TLL2: variants seen among roughly 807,000 people sequenced by gnomAD.
TLL2 encodes tolloid like 2.
In TLL2, 106 loss-of-function variants were observed where a neutral mutation model predicts 123.0. The observed-to-expected ratio is 0.86, with a 90% confidence interval of 0.74 to 1.01. The LOEUF is 1.01. Among genes scored for constraint, TLL2 ranks in the 50% least tolerant of loss-of-function variants. TLL2 has a pLI of 0.00. For synonymous variants in TLL2, 494 were observed against 516.8 expected (o/e 0.96, Z 0.60); for missense variants, 1,332 against 1,336.7 (o/e 1.00, Z 0.06).
At chr10:96,479,661 CA>C (rs1023514093) in intron 2 of TLL2, among the ~76,000 whole-genome samples, 2 of 152,226 alleles carry the variant, frequency 1.3e-5, no homozygotes, top group African/African-American at 4.8e-5. Context: ...TCCTGTTCAC[CA>C]GAACCCCTAC....
chr10:96,479,173 C>T (rs566004197), intron 2 of TLL2, among the ~76,000 whole-genome samples: 68 of 152,248 alleles, frequency 4.5e-4, no homozygotes, highest in African/African-American at 1.4e-3. Context: ...AAACCTTATA[C>T]GAGACCTCAA....
chr10:96,437,545 C>T (rs906008754), intron 3 of TLL2, among the ~76,000 whole-genome samples: 2 of 152,166 alleles, frequency 1.3e-5, no homozygotes, highest in Non-Finnish European at 2.9e-5. Flanking sequence ...AATATCTACC[C>T]CTCTTTCCCC....
At chr10:96,510,908 C>T (rs1847622944) in intron 1 of TLL2, among the ~76,000 whole-genome samples, 1 of 152,154 alleles carries the variant, frequency 6.6e-6, no homozygotes, top group East Asian at 1.9e-4. Flanking sequence ...GCTCTCTGGA[C>T]ATGTCACTTT....
At chr10:96,397,113 G>A in intron 11 of TLL2, 73 bp downstream of exon 11, 1 of 1,373,424 alleles carries the variant, frequency 7.3e-7, no homozygotes, top group South Asian at 1.3e-5. Flanking sequence ...GGCTGGGAGA[G>A]GGACAGTGGG....
At chr10:96,496,568 C>T (rs1761441323) in intron 1 of TLL2, among the ~76,000 whole-genome samples, 1 of 152,186 alleles carries the variant, frequency 6.6e-6, no homozygotes, top group Admixed American at 6.5e-5. Context: ...CCTGGGCTGG[C>T]GACCACCTTG....
chr10:96,367,770 T>C lies in TLL2; in HGVS notation c.*318A>G, dbSNP rs572497463. 51 of 245,610 alleles carry C rather than the reference T, an allele frequency of 2.1e-4. 1 individual carries two copies. In the South Asian group the frequency reaches 3.1e-3, roughly 15 times the overall value. 15.2% of individuals were successfully genotyped at this position (245,610 alleles called of 1,614,324 possible). A position where few individuals can be genotyped will look rare whatever the true frequency, so the allele number is the denominator to read the frequency against. On this transcript the variant is annotated 3_prime_UTR_variant, in exon 21 of 21. Coordinates refer to ENST00000357947, the MANE Select transcript of TLL2 (RefSeq NM_012465.4). Reference sequence around the variant, plus strand: ...ACCCCAAGGCTGACCTTTTGCCACATAGGAGCAAGGGACAAGGAGAATGGT... The same window carrying C: ...ACCCCAAGGCTGACCTTTTGCCACACAGGAGCAAGGGACAAGGAGAATGGT...
At chr10:96,509,883 C>A (rs1318354797) in intron 1 of TLL2, among the ~76,000 whole-genome samples, 2 of 152,172 alleles carry the variant, frequency 1.3e-5, no homozygotes, top group Non-Finnish European at 2.9e-5. Context: ...GGAGGCGGAG[C>A]TTGCAGTGAG....
chr10:96,400,154 C>T (rs1846379304), intron 10 of TLL2, among the ~76,000 whole-genome samples: 1 of 152,090 alleles, frequency 6.6e-6, no homozygotes, highest in African/African-American at 2.4e-5. Context: ...CAGACACTGT[C>T]CTAAGCACTT....
intron 2 of TLL2, among the ~76,000 whole-genome samples, chr10:96,475,524 A>G (rs1272876856): frequency 6.6e-6 from 1 of 152,232 alleles, no homozygotes; most frequent in Non-Finnish European, 1.5e-5. Context: ...GCTACTGAAT[A>G]AATTTGGGCA....
intron 16 of TLL2, among the ~76,000 whole-genome samples, chr10:96,380,859 C>T (rs1414903686): frequency 6.6e-6 from 1 of 151,784 alleles, no homozygotes; most frequent in Non-Finnish European, 1.5e-5. Context: ...CACCTGTAAT[C>T]CCAGCTCCTC....
intron 1 of TLL2, among the ~76,000 whole-genome samples, chr10:96,490,542 A>G (rs1450165274): frequency 1.3e-5 from 2 of 152,238 alleles, no homozygotes; most frequent in African/African-American, 4.8e-5. Flanking sequence ...GTTGAAGCAA[A>G]TGGGTTAGCT....
intron 1 of TLL2, among the ~76,000 whole-genome samples, chr10:96,504,987 G>A (rs975937874): frequency 5.3e-5 from 8 of 152,240 alleles, no homozygotes; most frequent in Admixed American, 1.3e-4. Context: ...CAGCCTGGGC[G>A]ACAGAGCGAG....
chr10:96,379,037 G>C lies in TLL2; in HGVS notation c.2250C>G (p.Thr750=), dbSNP rs1470272050. The C allele has an allele frequency of 1.9e-6, 3 of 1,614,074 alleles. No homozygotes were observed. Among genetic ancestry groups the C allele is most frequent in the Non-Finnish European group, 2.5e-6 (3 of 1,180,036 alleles). ...NGGCQHECVN[T]FGSYLCRCRN... is the part of the protein sequence containing the mutation. Reference sequence around the variant, plus strand: ...TGCACCTGCACAGGTAGCTCCCGAAGGTGTTGACGCACTCATGCTGACACC... The same window carrying C: ...TGCACCTGCACAGGTAGCTCCCGAACGTGTTGACGCACTCATGCTGACACC... Residue 750 remains threonine (T), a synonymous_variant, in exon 17 of 21, where the codon ACC becomes ACG. Coordinates refer to ENST00000357947, the MANE Select transcript of TLL2 (RefSeq NM_012465.4).
chr10:96,388,412 A>C (rs11812112), intron 13 of TLL2, among the ~76,000 whole-genome samples: 6,361 of 152,204 alleles, frequency 0.042, 429 homozygotes, highest in African/African-American at 0.14. Flanking sequence ...ACAACAACAA[A>C]AAAAGTTGTT....
At position 96,405,282 on chromosome 10, in the gene TLL2, T is replaced by A; in HGVS notation, c.1217A>T (p.Tyr406Phe). The A allele has an allele frequency of 6.8e-6, 11 of 1,614,206 alleles. No homozygotes were observed. The highest frequency in any genetic ancestry group is 8.5e-6 in the Non-Finnish European group (10 of 1,180,032). Residue 406 changes from tyrosine (Y) to phenylalanine (F), a missense_variant, in exon 10 of 21, where the codon TAT (tyrosine) becomes TTT (phenylalanine). Tyr to Phe is a conservative substitution (Grantham distance 22). Coordinates refer to ENST00000357947, the MANE Select transcript of TLL2 (RefSeq NM_012465.4). ...ACCATCCCGGACCTCCACGTAATCATACCAGCACAGTCGGCTTTTAAACAA... is the reference window on the plus strand; with the variant it reads ...ACCATCCCGGACCTCCACGTAATCAAACCAGCACAGTCGGCTTTTAAACAA... Reference protein sequence around the residue: ...MDLFKSRLCWYDYVEVRDGYW... With the variant: ...MDLFKSRLCWFDYVEVRDGYW...
chr10:96,490,985 C>T (rs1396734320), intron 1 of TLL2, among the ~76,000 whole-genome samples: 1 of 152,190 alleles, frequency 6.6e-6, no homozygotes, highest in East Asian at 1.9e-4. Context: ...ATGGGCTCCC[C>T]TCCACCTCTC....
chr10:96,428,009 G>T (rs59219273), intron 5 of TLL2, among the ~76,000 whole-genome samples: 3,918 of 152,122 alleles, frequency 0.026, 155 homozygotes, highest in African/African-American at 0.088. Context: ...TGGTCAGGCT[G>T]GTCTGGAACT....
At chr10:96,368,810 C>T (rs1846052083) in intron 20 of TLL2, among the ~76,000 whole-genome samples, 2 of 152,314 alleles carry the variant, frequency 1.3e-5, no homozygotes, top group Admixed American at 1.3e-4. Flanking sequence ...AGCCACGTTC[C>T]AAGGCTGTTG....
chr10:96,406,270 C>T (rs1846448637), intron 9 of TLL2, among the ~76,000 whole-genome samples: 2 of 152,104 alleles, frequency 1.3e-5, no homozygotes. Context: ...GGCCTTTCAC[C>T]CCCACGCAAG....
Sources: gnomAD v4.1 joint callset for allele counts (sites outside exome capture counted in the v4.1 genomes callset) on GRCh38, gnomAD v4.1.1 for gene constraint, MANE v1.5 for transcripts, NCBI Gene and HGNC (gene_info 2026-07-23, HGNC 2026-07-21) for gene names.